Variants in TAS2R1 observed in about 807,000 individuals in gnomAD.
TAS2R1 encodes the protein taste 2 receptor member 1.
For missense variants in TAS2R1, 370 were observed against 353.4 expected, an observed-to-expected ratio of 1.05 and a Z score of -0.38; for synonymous variants, 141 against 134.2, an observed-to-expected ratio of 1.05 and a Z score of -0.35.
At chr5:9,650,450 G>A (rs1740281602) in intron 2 of TAS2R1, among the ~76,000 whole-genome samples, 1 of 151,972 alleles carries the variant, frequency 6.6e-6, no homozygotes. Flanking sequence ...AGTGTTACCT[G>A]GATTCTCTAT....
the TAS2R1 span, among the ~76,000 whole-genome samples, chr5:9,885,044 A>C: frequency 6.6e-6 from 1 of 152,220 alleles, no homozygotes; most frequent in South Asian, 2.1e-4. Flanking sequence ...ACATAAACTA[A>C]CTCTTTCAAT....
chr5:9,891,170 T>C, the TAS2R1 span, among the ~76,000 whole-genome samples: 1 of 152,194 alleles, frequency 6.6e-6, no homozygotes, highest in East Asian at 1.9e-4. Context: ...TTAAAATGCA[T>C]GCCCCTTTTC....
chr5:9,780,560 G>A, the TAS2R1 span, among the ~76,000 whole-genome samples: 3 of 152,184 alleles, frequency 2.0e-5, no homozygotes, highest in African/African-American at 7.2e-5. Context: ...GTCAGGAGAA[G>A]GGGCTCTTCC....
At chr5:9,872,337 A>G in the TAS2R1 span, among the ~76,000 whole-genome samples, 1 of 152,332 alleles carries the variant, frequency 6.6e-6, no homozygotes, top group African/African-American at 2.4e-5. Context: ...AATTCTCCAG[A>G]GCAGTTCACA....
the TAS2R1 span, among the ~76,000 whole-genome samples, chr5:9,835,270 G>A: frequency 3.3e-5 from 5 of 152,222 alleles, no homozygotes; most frequent in African/African-American, 1.2e-4. Flanking sequence ...CAGAGCCAGG[G>A]CCTCAGAGAA....
rs1193233921 is a variant in TAS2R1, at chr5:9,696,563, A to AAAAAT, written c.-242+15604_-242+15608dup. Among the ~76,000 whole-genome samples, 179 of 152,220 alleles carry AAAAAT rather than the reference A, an allele frequency of 1.2e-3. 1 individual carries two copies. Among genetic ancestry groups the AAAAAT allele is most frequent in the Non-Finnish European group, 2.2e-3 (148 of 68,008 alleles). On this transcript the variant is annotated intron_variant, in intron 1 of 2. Transcript: ENST00000506620. ...GGTGACAGAGCGAGATGCCATCTCAAAAAATAAAATAAAATAAATAATAGA... is the reference window on the plus strand; with the variant it reads ...GGTGACAGAGCGAGATGCCATCTCAAAAAATAAAATAAAATAAAATAAATAATAGA...
At chr5:9,676,829 A>G (rs1043115640) in intron 1 of TAS2R1, among the ~76,000 whole-genome samples, 1 of 152,218 alleles carries the variant, frequency 6.6e-6, no homozygotes, top group Non-Finnish European at 1.5e-5. Context: ...TAGTTCAGCC[A>G]TTATGGAAGA....
chr5:9,662,367 C>A (rs1740553961), intron 1 of TAS2R1, among the ~76,000 whole-genome samples: 2 of 152,136 alleles, frequency 1.3e-5, no homozygotes, highest in Admixed American at 6.5e-5. Flanking sequence ...CTGCTCATTC[C>A]AAAATGCAAA....
At chr5:9,834,522 G>A in the TAS2R1 span, among the ~76,000 whole-genome samples, 1 of 152,072 alleles carries the variant, frequency 6.6e-6, no homozygotes, top group Non-Finnish European at 1.5e-5. Flanking sequence ...ACGCTAATGT[G>A]TTCACACCTA....
At chr5:9,864,499 G>A in the TAS2R1 span, among the ~76,000 whole-genome samples, 1 of 152,016 alleles carries the variant, frequency 6.6e-6, no homozygotes, top group East Asian at 1.9e-4. Context: ...TGGGCATGGT[G>A]GCATGCACCT....
At chr5:9,724,379 A>G in the TAS2R1 span, among the ~76,000 whole-genome samples, 2 of 119,172 alleles carry the variant, frequency 1.7e-5, no homozygotes, top group South Asian at 2.5e-4. Flanking sequence ...TTGAATTATT[A>G]TATCCTTTAA....
rs559142039 is a variant in TAS2R1, at chr5:9,661,788, A to T, written c.-241-2207T>A. ...ATATCAGTGTGTGTACGTAAATCAT[A>T]TACACAGATTTATACTACATATACA... is the stretch of plus-strand genomic sequence containing the variant. On this transcript the variant is annotated intron_variant, in intron 1 of 2. Transcript: ENST00000506620. Among the ~76,000 whole-genome samples the T allele has an allele frequency of 2.2e-4, 34 of 152,338 alleles. No homozygotes were observed. The South Asian group carries it at 7.1e-3, about 32-fold the overall frequency.
chr5:9,840,849 A>C, the TAS2R1 span, among the ~76,000 whole-genome samples: 1 of 12,910 alleles, frequency 7.7e-5, no homozygotes. Context: ...TTATTTATTT[A>C]TTTATTTATT....
the TAS2R1 span, chr5:9,863,170 C>T: frequency 6.6e-6 from 1 of 152,162 alleles, no homozygotes; most frequent in Non-Finnish European, 1.5e-5. Context: ...ACACTTCCCT[C>T]TACCACCATC....
the TAS2R1 span, among the ~76,000 whole-genome samples, chr5:9,718,229 A>T: frequency 5.3e-5 from 8 of 151,526 alleles, no homozygotes; most frequent in African/African-American, 1.7e-4. Flanking sequence ...TTGGCCTCCC[A>T]AAGTGTTGGG....
the TAS2R1 span, among the ~76,000 whole-genome samples, chr5:9,788,509 C>T: frequency 6.6e-6 from 1 of 152,068 alleles, no homozygotes; most frequent in Non-Finnish European, 1.5e-5. Flanking sequence ...ACCTAAAAAC[C>T]CGTGAGAGCT....
the TAS2R1 span, among the ~76,000 whole-genome samples, chr5:9,866,842 C>T: frequency 6.6e-6 from 1 of 152,210 alleles, no homozygotes; most frequent in African/African-American, 2.4e-5. Flanking sequence ...CTTTGTTTCC[C>T]TCTTTTTTCT....
the TAS2R1 span, among the ~76,000 whole-genome samples, chr5:9,855,551 T>A: frequency 6.6e-6 from 1 of 152,168 alleles, no homozygotes; most frequent in Admixed American, 6.5e-5. Flanking sequence ...GAACAGCGTA[T>A]CAGTCACTTC....
At chr5:9,895,806 G>C in the TAS2R1 span, among the ~76,000 whole-genome samples, 1 of 152,288 alleles carries the variant, frequency 6.6e-6, no homozygotes, top group East Asian at 1.9e-4. Flanking sequence ...TATAATTCTA[G>C]AGGCATCAGT....
Sources: allele counts gnomAD v4.1 joint callset (sites outside exome capture counted in the v4.1 genomes callset), GRCh38; gene constraint gnomAD v4.1.1; transcripts MANE v1.5; gene names NCBI Gene and HGNC (gene_info 2026-07-23, HGNC 2026-07-21).